CLEC1A: variants seen among roughly 807,000 people sequenced by gnomAD.
CLEC1A encodes C-type lectin-like receptor-1.
CLEC1A carries 34 observed loss-of-function variants against 28.7 expected under a neutral mutation model. The ratio of observed to expected loss-of-function variants is 1.18; its 90% CI spans 0.90 to 1.57. The LOEUF (loss-of-function observed/expected upper bound fraction) is 1.57, where lower values mean the gene tolerates loss of function less well. CLEC1A is among the 40% of genes most tolerant of loss of function. CLEC1A has a pLI of 0.00. For synonymous variants in CLEC1A, 116 were observed against 121.0 expected (o/e 0.96, Z 0.27); for missense variants, 385 against 339.5 (o/e 1.13, Z -1.05).
rs780214728 is a variant in CLEC1A at position 10,077,562 on chromosome 12, C to A, written c.392-1907G>T. On this transcript the variant is annotated intron_variant, in intron 3 of 5. Transcript: ENST00000315330. ...GAAAAATAAAATACTAATTTCTAAA[C>A]GGAACATGTACACTTTCTATGAACT... 2.0e-5 allele frequency among the ~76,000 whole-genome samples: 3 copies of A among 152,130 alleles called. No homozygotes were observed. In the East Asian group the frequency reaches 5.8e-4, roughly 29 times the overall value.
intron 2 of CLEC1A, among the ~76,000 whole-genome samples, chr12:10,088,295 T>C (rs141444049): frequency 1.1e-4 from 17 of 152,230 alleles, no homozygotes; most frequent in African/African-American, 3.4e-4. Flanking sequence ...ACAAAACTTT[T>C]GGGATCAAAA....
chr12:10,090,985 G>T (rs1427128054), intron 1 of CLEC1A, among the ~76,000 whole-genome samples: 1 of 151,926 alleles, frequency 6.6e-6, no homozygotes, highest in African/African-American at 2.4e-5. Context: ...TCCTCACAAC[G>T]GTCTCCCGTT....
In CLEC1A at chr12:10,081,306, T is replaced by G; in HGVS notation, c.322A>C (p.Ile108Leu). ...TGCTGCAGACTTCCTGCAAGCTTTA[T>G]ATTCTGGACTTGAAGAGATTGCAAC... is the stretch of plus-strand genomic sequence containing the variant. ...QELQSLQVQN[I>L]KLAGSLQHVA... Residue 108 changes from isoleucine to leucine, a missense_variant, in exon 3 of 6, where the codon ATA becomes CTA. Transcript: ENST00000315330. The G allele has an allele frequency of 6.2e-7, 1 of 1,613,426 alleles. No homozygotes were observed. Among genetic ancestry groups the G allele is most frequent in the Non-Finnish European group, 8.5e-7 (1 of 1,179,698 alleles).
At chr12:10,091,759 A>G (rs973448624) in intron 1 of CLEC1A, among the ~76,000 whole-genome samples, 5 of 152,152 alleles carry the variant, frequency 3.3e-5, no homozygotes, top group Admixed American at 3.3e-4. Context: ...AGTTAATCAT[A>G]TGGATGTTTC....
Position 10,075,499 on chromosome 12 carries a change from CTTACCAGGTCTTCTTG to C in CLEC1A, c.532_543+4del, listed in dbSNP as rs1476737471. 1 of 1,613,402 alleles carries C rather than the reference CTTACCAGGTCTTCTTG, an allele frequency of 6.2e-7. No homozygotes were observed. Among genetic ancestry groups the C allele is most frequent in the African/African-American group, 1.3e-5 (1 of 74,964 alleles). On this transcript the variant is annotated splice_donor_variant and splice_donor_region_variant and coding_sequence_variant and intron_variant, in exon 4 of 6. Coordinates refer to ENST00000315330, the MANE Select transcript of CLEC1A (RefSeq NM_016511.4). LOFTEE classifies it high-confidence loss of function. ...TTCAAACATTGAAAAGCCTCAGAAT[CTTACCAGGTCTTCTTG>C]TTTGTTTATCTTCAGCATGGTAGAG...
chr12:10,069,638 T>A lies in CLEC1A; in HGVS notation c.*1695A>T, dbSNP rs1236773796. 3 of 152,174 alleles carry A rather than the reference T, an allele frequency of 2.0e-5. No homozygotes were observed. The highest frequency in any genetic ancestry group is 4.8e-5 in the African/African-American group (2 of 41,444). 9.4% of individuals were successfully genotyped at this position (152,174 alleles called of 1,614,324 possible). A position where few individuals can be genotyped will look rare whatever the true frequency, so the allele number is the denominator to read the frequency against. ...TCTACTTCATATGCAGTGAAATAGGTTTCATGAAGTAAAGTGACTTGCCTA... is the reference window on the plus strand; with the variant it reads ...TCTACTTCATATGCAGTGAAATAGGATTCATGAAGTAAAGTGACTTGCCTA... On this transcript the variant is annotated 3_prime_UTR_variant, in exon 6 of 6. Transcript: ENST00000315330.
intron 3 of CLEC1A, among the ~76,000 whole-genome samples, chr12:10,076,046 C>A (rs966793240): frequency 2.0e-5 from 3 of 152,250 alleles, no homozygotes; most frequent in African/African-American, 7.2e-5. Flanking sequence ...TCAAAATTAT[C>A]TTACATAATA....
At chr12:10,092,763 T>A (rs1300874176) in intron 1 of CLEC1A, among the ~76,000 whole-genome samples, 2 of 152,054 alleles carry the variant, frequency 1.3e-5, no homozygotes, top group Non-Finnish European at 2.9e-5. Context: ...AAATACATGA[T>A]CCTTCCTAAG....
chr12:10,086,887 T>G (rs1866504323), intron 2 of CLEC1A, among the ~76,000 whole-genome samples: 1 of 152,122 alleles, frequency 6.6e-6, no homozygotes, highest in African/African-American at 2.4e-5. Context: ...TGATGAACAC[T>G]GATGCAAAAA....
chr12:10,098,972 C>T lies in CLEC1A; in HGVS notation c.-50G>A, dbSNP rs780394878. ...GAAATGTGGTCGGATTGCCCTGGGC[C>T]GCCGGGCTACTGTGAGCTAGTTCAG... is the stretch of plus-strand genomic sequence containing the variant. On this transcript the variant is annotated 5_prime_UTR_variant, in exon 1 of 6. Coordinates refer to ENST00000315330, the MANE Select transcript of CLEC1A (RefSeq NM_016511.4). The T allele has an allele frequency of 1.2e-5, 16 of 1,371,962 alleles. No individual in the cohort carries two copies. The East Asian group carries it at 1.2e-4, about 10-fold the overall frequency. 85.0% of individuals were successfully genotyped at this position (1,371,962 alleles called of 1,614,324 possible).
At chr12:10,090,676 A>G (rs1468070430) in intron 1 of CLEC1A, among the ~76,000 whole-genome samples, 1 of 152,184 alleles carries the variant, frequency 6.6e-6, no homozygotes, top group Non-Finnish European at 1.5e-5. Flanking sequence ...ACAATCTAGT[A>G]GGCAAAATAA....
At chr12:10,081,463 T>C (rs1465931250) in intron 2 of CLEC1A, 50 bp from the exon 3 acceptor site, 3 of 1,442,134 alleles carry the variant, frequency 2.1e-6, no homozygotes, top group East Asian at 2.4e-5. Flanking sequence ...TATGTTTTAT[T>C]TCCATTTTCT....
intron 2 of CLEC1A, among the ~76,000 whole-genome samples, chr12:10,082,827 C>A (rs372993413): frequency 2.0e-4 from 30 of 152,346 alleles, no homozygotes; most frequent in African/African-American, 6.3e-4. Flanking sequence ...CTGCCTGCAA[C>A]ATCCTGGCTA....
chr12:10,073,842 A>G (rs1271974480), intron 4 of CLEC1A, among the ~76,000 whole-genome samples: 2 of 152,230 alleles, frequency 1.3e-5, no homozygotes, highest in Non-Finnish European at 2.9e-5. Context: ...GAAGAAAAAA[A>G]GTAAAAGAAA....
At chr12:10,076,041 A>G (rs1866245328) in intron 3 of CLEC1A, among the ~76,000 whole-genome samples, 1 of 152,214 alleles carries the variant, frequency 6.6e-6, no homozygotes, top group Non-Finnish European at 1.5e-5. Flanking sequence ...TCTCCTCAAA[A>G]TTATCTTACA....
Position 10,069,831 on chromosome 12 carries a change from C to G in CLEC1A, c.*1502G>C, listed in dbSNP as rs1866089618. On this transcript the variant is annotated 3_prime_UTR_variant, in exon 6 of 6. Transcript: ENST00000315330. ...TTCTCAAGGAAGAATCCGCAATAGTCTTTGCTAAGTGACAATCTAACAAAA... is the reference window on the plus strand; with the variant it reads ...TTCTCAAGGAAGAATCCGCAATAGTGTTTGCTAAGTGACAATCTAACAAAA... The G allele has an allele frequency of 6.6e-6, 1 of 152,152 alleles. No individual in the cohort carries two copies. The highest frequency in any genetic ancestry group is 1.5e-5 in the Non-Finnish European group (1 of 68,014). The allele number at this position is 152,152 out of a possible 1,614,324, so 9.4% of individuals were successfully genotyped here.
At chr12:10,096,226 T>C (rs919318249) in intron 1 of CLEC1A, among the ~76,000 whole-genome samples, 12 of 152,138 alleles carry the variant, frequency 7.9e-5, no homozygotes, top group Non-Finnish European at 1.5e-5. Flanking sequence ...TCATCATCTT[T>C]CCTGTCCCTT....
At chr12:10,084,262 A>T (rs983333864) in intron 2 of CLEC1A, 2 of 152,374 alleles carry the variant, frequency 1.3e-5, no homozygotes, top group African/African-American at 4.8e-5. Context: ...CTGGCTGGCT[A>T]GGTGTGTGTC....
intron 5 of CLEC1A, among the ~76,000 whole-genome samples, chr12:10,072,741 TA>T (rs1425096012): frequency 6.6e-6 from 1 of 152,126 alleles, no homozygotes; most frequent in Non-Finnish European, 1.5e-5. Context: ...GATATTTTAC[TA>T]ATGCTATGTA....
Sources: gnomAD v4.1 joint callset for allele counts (sites outside exome capture counted in the v4.1 genomes callset) on GRCh38, gnomAD v4.1.1 for gene constraint, MANE v1.5 for transcripts, NCBI Gene and HGNC (gene_info 2026-07-23, HGNC 2026-07-21) for gene names.